Variants in KDM1B observed in about 807,000 individuals in gnomAD.
The protein encoded by KDM1B is lysine demethylase 1B.
Under a neutral mutation model 107.4 loss-of-function variants are expected in KDM1B, and 63 were observed. That is an observed-to-expected ratio of 0.59 (90% CI 0.48 to 0.72). The LOEUF (loss-of-function observed/expected upper bound fraction) is 0.72. KDM1B is among the 30% of genes least tolerant of loss of function. The pLI, the probability that KDM1B is intolerant of heterozygous loss-of-function variation, is 0.00. For synonymous variants in KDM1B, 363 were observed against 363.9 expected, an observed-to-expected ratio of 1.00 and a Z score of 0.03; for missense variants, 749 against 1,020.8, an observed-to-expected ratio of 0.73 and a Z score of 3.63.
Position 18,212,178 on chromosome 6 carries a change from C to T in KDM1B, c.1867-310C>T. On this transcript the variant is annotated intron_variant, in intron 17 of 21. Transcript: ENST00000650836. The surrounding 1 kb of genome is among the most constrained non-coding windows in gnomAD (Gnocchi z 5.2). ...CAGGCTGGTCTTGAACTCCTGACCT[C>T]AGGTGATCCACCCGCCTCGGCCTCT... The T allele has an allele frequency of 1.1e-5, 3 of 270,318 alleles. No individual in the cohort carries two copies. Among genetic ancestry groups the T allele is most frequent in the Middle Eastern group, 1.3e-3 (1 of 750 alleles). The allele number at this position is 270,318 out of a possible 1,614,324, so 16.7% of individuals were successfully genotyped here. A position where few individuals can be genotyped will look rare whatever the true frequency, so the allele number is the denominator to read the frequency against.
intron 6 of KDM1B, among the ~76,000 whole-genome samples, chr6:18,170,236 A>G (rs1785565861): frequency 6.6e-6 from 1 of 152,162 alleles, no homozygotes; most frequent in Non-Finnish European, 1.5e-5. Flanking sequence ...TTGCTAAGAT[A>G]GTACAGAGAG....
intron 7 of KDM1B, among the ~76,000 whole-genome samples, chr6:18,180,969 A>G (rs1391148559): frequency 6.6e-6 from 1 of 152,232 alleles, no homozygotes; most frequent in Non-Finnish European, 1.5e-5. Flanking sequence ...TTGAGTGGAC[A>G]ACTTTGACTT....
chr6:18,172,088 G>A lies in KDM1B; in HGVS notation c.534+609G>A, dbSNP rs994822087. 5.9e-5 allele frequency among the ~76,000 whole-genome samples: 9 copies of A among 152,138 alleles called. No individual in the cohort carries two copies. The highest frequency in any genetic ancestry group is 1.7e-4 in the African/African-American group (7 of 41,440). ...AGGACAGAGGAAGAAAATATTTTAC[G>A]ACTGAGGATGTTGCAACACTAAACA... On this transcript the variant is annotated intron_variant, in intron 7 of 21. Coordinates refer to ENST00000650836, the MANE Select transcript of KDM1B (RefSeq NM_001364614.2). This position sits in a 1 kb window ranked among gnomAD's most constrained non-coding sequence, Gnocchi z 5.2.
At position 18,200,780 on chromosome 6, in the gene KDM1B, T is replaced by A. The variant is rs1787981377; in HGVS notation, c.1359+204T>A. ...AATACTTTTTTTCCTTTTTCTAAGC[T>A]ATTTAATTTTATTTCCTTGTTCTTT... On this transcript the variant is annotated intron_variant, in intron 13 of 21. Coordinates refer to ENST00000650836, the MANE Select transcript of KDM1B (RefSeq NM_001364614.2). This position sits in a 1 kb window ranked among gnomAD's most constrained non-coding sequence, Gnocchi z 4.3. Among the ~76,000 whole-genome samples the A allele has an allele frequency of 6.6e-6, 1 of 152,202 alleles. No individual in the cohort carries two copies. Among genetic ancestry groups the A allele is most frequent in the African/African-American group, 2.4e-5 (1 of 41,468 alleles).
chr6:18,181,935 G>A (rs1169258583), intron 7 of KDM1B, among the ~76,000 whole-genome samples: 3 of 151,910 alleles, frequency 2.0e-5, no homozygotes, highest in Non-Finnish European at 4.4e-5. Context: ...TTTTCTTGGC[G>A]ATTTTGTTAA....
In KDM1B at chr6:18,212,417, T is replaced by A; in HGVS notation, c.1867-71T>A. ...CTTGCCAGTATAACAGCATGGGTTGTTGATACCAGTGTAGTGGTAGTGTGA... is the reference window on the plus strand; with the variant it reads ...CTTGCCAGTATAACAGCATGGGTTGATGATACCAGTGTAGTGGTAGTGTGA... On this transcript the variant is annotated intron_variant, in intron 17 of 21. Coordinates refer to ENST00000650836, the MANE Select transcript of KDM1B (RefSeq NM_001364614.2). The surrounding 1 kb of genome is among the most constrained non-coding windows in gnomAD (Gnocchi z 5.2). 1 of 907,202 alleles carries A rather than the reference T, an allele frequency of 1.1e-6. No homozygotes were observed. Among genetic ancestry groups the A allele is most frequent in the Middle Eastern group, 2.3e-4 (1 of 4,402 alleles). The allele number at this position is 907,202 out of a possible 1,614,324, so 56.2% of individuals were successfully genotyped here.
In KDM1B at chr6:18,211,210, T is replaced by C. The variant is rs899303233; in HGVS notation, c.1867-1278T>C. ...AAATAGTGACAAAATCAGAGAACTC[T>C]GAACTTCCTGTGATCCTAGAATTGA... On this transcript the variant is annotated intron_variant, in intron 17 of 21. Coordinates refer to ENST00000650836, the MANE Select transcript of KDM1B (RefSeq NM_001364614.2). The surrounding 1 kb of genome is among the most constrained non-coding windows in gnomAD (Gnocchi z 5.2). Among the ~76,000 whole-genome samples, 3 of 152,220 alleles carry C rather than the reference T, an allele frequency of 2.0e-5. No homozygotes were observed. The highest frequency in any genetic ancestry group is 7.2e-5 in the African/African-American group (3 of 41,462).
At position 18,205,111 on chromosome 6, in the gene KDM1B, G is replaced by A. The variant is rs1788285932; in HGVS notation, c.1532-426G>A. On this transcript the variant is annotated intron_variant, in intron 14 of 21. Coordinates refer to ENST00000650836, the MANE Select transcript of KDM1B (RefSeq NM_001364614.2). This position sits in a 1 kb window ranked among gnomAD's most constrained non-coding sequence, Gnocchi z 5.7. ...GGTCTCTTAGTTGAGGTGAGATGTT[G>A]TAAGCATTGACTTTAAGGTGATGGC... Among the ~76,000 whole-genome samples, 1 of 152,150 alleles carries A rather than the reference G, an allele frequency of 6.6e-6. No individual in the cohort carries two copies. Among genetic ancestry groups the A allele is most frequent in the Non-Finnish European group, 1.5e-5 (1 of 68,036 alleles).
intron 10 of KDM1B, among the ~76,000 whole-genome samples, chr6:18,196,372 T>G (rs1157748784): frequency 6.6e-6 from 1 of 152,194 alleles, no homozygotes; most frequent in Non-Finnish European, 1.5e-5. Context: ...TATGGTAGTT[T>G]TATTTTTTAG....
chr6:18,170,968 C>T (rs1785619244), intron 6 of KDM1B, among the ~76,000 whole-genome samples: 1 of 151,924 alleles, frequency 6.6e-6, no homozygotes, highest in Non-Finnish European at 1.5e-5. Flanking sequence ...CTACAGGCGC[C>T]CGCCACCACG....
intron 15 of KDM1B, among the ~76,000 whole-genome samples, chr6:18,206,630 G>T (rs1288570999): frequency 2.0e-5 from 3 of 152,062 alleles, no homozygotes; most frequent in Non-Finnish European, 4.4e-5. Context: ...TTGCCATGTT[G>T]CCTAGTCTGG....
At chr6:18,188,766 A>G (rs1341979565) in intron 9 of KDM1B, among the ~76,000 whole-genome samples, 1 of 147,208 alleles carries the variant, frequency 6.8e-6, no homozygotes, top group Non-Finnish European at 1.5e-5. Context: ...AGCACGTGCC[A>G]CTACAGCTGG....
At position 18,203,537 on chromosome 6, in the gene KDM1B, T is replaced by C. The variant is rs924625232; in HGVS notation, c.1531+1880T>C. 6.6e-6 allele frequency among the ~76,000 whole-genome samples: 1 copy of C among 152,162 alleles called. No homozygotes were observed. Among genetic ancestry groups the C allele is most frequent in the South Asian group, 2.1e-4 (1 of 4,830 alleles). On this transcript the variant is annotated intron_variant, in intron 14 of 21. Transcript: ENST00000650836. The surrounding 1 kb of genome is among the most constrained non-coding windows in gnomAD (Gnocchi z 5.5). ...TTTCAGAAAGCATGTGCACTAAAGC[T>C]GTTTTAAATATTATTTACATAAAAA...
chr6:18,217,889 T>C lies in KDM1B; in HGVS notation c.2385+4T>C. 1.9e-6 allele frequency: 3 copies of C among 1,606,300 alleles called. No individual in the cohort carries two copies. Among genetic ancestry groups the C allele is most frequent in the Non-Finnish European group, 2.5e-6 (3 of 1,177,812 alleles). On this transcript the variant is annotated splice_donor_region_variant and intron_variant, in intron 21 of 21. Coordinates refer to ENST00000650836, the MANE Select transcript of KDM1B (RefSeq NM_001364614.2). Reference sequence around the variant, plus strand: ...AACCGTCTTTTTCGCTGGTGAGGTATGGATCTTGATTCCAAACCCAATTAT... The same window carrying C: ...AACCGTCTTTTTCGCTGGTGAGGTACGGATCTTGATTCCAAACCCAATTAT...
chr6:18,195,145 T>G (rs764910951), intron 10 of KDM1B, among the ~76,000 whole-genome samples: 30 of 152,336 alleles, frequency 2.0e-4, no homozygotes, highest in Non-Finnish European at 3.2e-4. Context: ...AGCTGAATAA[T>G]ATTTCATTGT....
At chr6:18,179,668 T>G (rs1273006940) in intron 7 of KDM1B, among the ~76,000 whole-genome samples, 2 of 152,064 alleles carry the variant, frequency 1.3e-5, no homozygotes, top group Admixed American at 6.6e-5. Flanking sequence ...TAAAGTTGTT[T>G]GTACTGTTCC....
chr6:18,216,389 C>G (rs148254905), intron 20 of KDM1B, among the ~76,000 whole-genome samples: 233 of 152,272 alleles, frequency 1.5e-3, no homozygotes, highest in Admixed American at 3.7e-3. Context: ...AGCCTTGTTG[C>G]TAATTTTATA....
At chr6:18,194,463 G>A (rs574495785) in intron 10 of KDM1B, among the ~76,000 whole-genome samples, 3 of 152,216 alleles carry the variant, frequency 2.0e-5, no homozygotes, top group South Asian at 2.1e-4. Flanking sequence ...TGCTGCAGTC[G>A]TTCTTGCTCA....
Position 18,207,408 on chromosome 6 carries a change from G to A in KDM1B, c.1670G>A (p.Arg557His), listed in dbSNP as rs752092174. ...CGSNLHQVSARSWDHNEFFAQ... is the reference protein window; with the variant it reads ...CGSNLHQVSAHSWDHNEFFAQ... ...TCTCTTGTTTCCCAGGTATCTGCTC[G>A]CTCGTGGGACCACAATGAATTCTTT... Residue 557 changes from arginine (R) to histidine (H), a missense_variant, in exon 16 of 22, where the codon CGC becomes CAC. Transcript: ENST00000650836. The A allele has an allele frequency of 1.2e-5, 19 of 1,614,032 alleles. No homozygotes were observed. The highest frequency in any genetic ancestry group is 2.2e-5 in the East Asian group (1 of 44,880).
Sources: gnomAD v4.1 joint callset for allele counts (sites outside exome capture counted in the v4.1 genomes callset) on GRCh38, gnomAD v4.1.1 for gene constraint, Gnocchi (gnomAD v3.1) non-coding constraint, MANE v1.5 for transcripts, NCBI Gene and HGNC (gene_info 2026-07-23, HGNC 2026-07-21) for gene names.